Variants in MYO1D observed in about 807,000 individuals in gnomAD.
MYO1D encodes the protein unconventional myosin-Id.
MYO1D carries 83 observed loss-of-function variants against 122.0 expected under a neutral mutation model. The observed-to-expected ratio is 0.68, with a 90% CI of 0.57 to 0.82. The LOEUF is 0.82. Ranked by LOEUF, MYO1D falls within the 40% of genes least tolerant of loss-of-function variation. The pLI, the probability that MYO1D is intolerant of heterozygous loss-of-function variation, is 0.00. For missense variants in MYO1D, 1,157 were observed against 1,269.5 expected (o/e 0.91, Z 1.35); for synonymous variants, 464 against 446.9 (o/e 1.04, Z -0.48).
intron 6 of MYO1D, 55 bp from the exon 7 acceptor site, chr17:32,767,807 T>C (rs925983138): frequency 1.5e-6 from 2 of 1,310,626 alleles, no homozygotes; most frequent in African/African-American, 2.9e-5. Context: ...AGCATTAAAA[T>C]TCAACAATTA....
At position 32,501,686 on chromosome 17, in the gene MYO1D, C is replaced by T. The variant is rs140297672; in HGVS notation, c.2865-6771G>A. On this transcript the variant is annotated intron_variant, in intron 21 of 21. Coordinates refer to ENST00000318217, the MANE Select transcript of MYO1D (RefSeq NM_015194.3). ...ACGTACCGGGAGGCATCCCAGTCCG[C>T]GAGGACAGACGAGCCTCTGCTTCTT... 7.5e-4 allele frequency among the ~76,000 whole-genome samples: 115 copies of T among 152,324 alleles called. 1 individual carries two copies. Among genetic ancestry groups the T allele is most frequent in the African/African-American group, 2.6e-3 (110 of 41,566 alleles).
intron 15 of MYO1D, among the ~76,000 whole-genome samples, chr17:32,714,777 T>C (rs574058454): frequency 6.6e-6 from 1 of 152,262 alleles, no homozygotes; most frequent in South Asian, 2.1e-4. Flanking sequence ...GACTTCATGA[T>C]GAAATCACCA....
At chr17:32,588,945 AAAAC>A (rs71144844) in intron 21 of MYO1D, among the ~76,000 whole-genome samples, 1,741 of 147,616 alleles carry the variant, frequency 0.012, 37 homozygotes, top group African/African-American at 0.039. Context: ...TTTGCCTCAA[AAAAC>A]AAACAAACAA....
chr17:32,770,820 C>T (rs1008251010), intron 6 of MYO1D, among the ~76,000 whole-genome samples: 1 of 151,960 alleles, frequency 6.6e-6, no homozygotes, highest in Admixed American at 6.6e-5. Context: ...CTAGTCCTAT[C>T]AATATTTTTA....
At chr17:32,750,232 T>C (rs923491622) in intron 11 of MYO1D, among the ~76,000 whole-genome samples, 1 of 152,222 alleles carries the variant, frequency 6.6e-6, no homozygotes, top group African/African-American at 2.4e-5. Flanking sequence ...CTTGTTACAG[T>C]AGCATCTAGA....
intron 1 of MYO1D, among the ~76,000 whole-genome samples, chr17:32,858,702 T>C (rs1288144146): frequency 6.6e-6 from 1 of 152,246 alleles, no homozygotes; most frequent in Non-Finnish European, 1.5e-5. Flanking sequence ...TTCTCCACTG[T>C]AACAATAATC....
intron 21 of MYO1D, among the ~76,000 whole-genome samples, chr17:32,566,021 G>C (rs1372029262): frequency 6.6e-6 from 1 of 152,054 alleles, no homozygotes; most frequent in Non-Finnish European, 1.5e-5. Context: ...CACCGCACCC[G>C]GCCTTCAGAG....
intron 1 of MYO1D, among the ~76,000 whole-genome samples, chr17:32,867,798 C>CAAAAAAAAAAA (rs5820001): frequency 3.7e-5 from 2 of 53,930 alleles, no homozygotes; most frequent in Non-Finnish European, 6.4e-5. Context: ...GACTCCGTCT[C>CAAAAAAAAAAA]AAAAAAAAAA....
chr17:32,767,750 A>C lies in MYO1D; in HGVS notation c.717T>G (p.Ser239=). ...NYIHVGAQLK[S]SINDAAEFRV... ...TGAATTCGGCAGCATCATTGATAGA[A>C]GACTGGGGATGAAAATGAAAAACTG... Residue 239 remains serine (S), a splice_region_variant and synonymous_variant, in exon 7 of 22, where the codon TCT becomes TCG. Transcript: ENST00000318217. 1 of 1,605,990 alleles carries C rather than the reference A, an allele frequency of 6.2e-7. No individual in the cohort carries two copies. The highest frequency in any genetic ancestry group is 8.5e-7 in the Non-Finnish European group (1 of 1,173,324).
Position 32,662,566 on chromosome 17 carries a change from G to A in MYO1D, c.2122-3228C>T, listed in dbSNP as rs1431730039. Among the ~76,000 whole-genome samples, 3 of 152,064 alleles carry A rather than the reference G, an allele frequency of 2.0e-5. No individual in the cohort carries two copies. The South Asian group carries it at 6.2e-4, about 32-fold the overall frequency. On this transcript the variant is annotated intron_variant, in intron 16 of 21. Coordinates refer to ENST00000318217, the MANE Select transcript of MYO1D (RefSeq NM_015194.3). Reference sequence around the variant, plus strand: ...TGCGCGTCTGTAATTCCAGCTACTCGTGAGGCTGAGGCAGGAGAATCGCCT... The same window carrying A: ...TGCGCGTCTGTAATTCCAGCTACTCATGAGGCTGAGGCAGGAGAATCGCCT...
intron 20 of MYO1D, among the ~76,000 whole-genome samples, chr17:32,607,801 AG>A (rs1253817251): frequency 1.3e-5 from 2 of 152,158 alleles, no homozygotes; most frequent in Non-Finnish European, 2.9e-5. Flanking sequence ...TAATTTAGAA[AG>A]GAAAAAAAAA....
intron 21 of MYO1D, among the ~76,000 whole-genome samples, chr17:32,546,065 C>A (rs533523606): frequency 6.6e-6 from 1 of 152,208 alleles, no homozygotes; most frequent in East Asian, 1.9e-4. Context: ...CCTTGCCAGA[C>A]CACGTGGCTG....
chr17:32,762,959 G>A (rs1428711216), intron 8 of MYO1D, among the ~76,000 whole-genome samples: 1 of 151,788 alleles, frequency 6.6e-6, no homozygotes. Context: ...GGCCGAGGAG[G>A]GTGGATCACA....
chr17:32,783,113 T>A (rs1457643040), intron 1 of MYO1D, among the ~76,000 whole-genome samples: 1 of 148,440 alleles, frequency 6.7e-6, no homozygotes, highest in Non-Finnish European at 1.5e-5. Context: ...AGGAAAAGAA[T>A]CAAAAGGGCA....
intron 1 of MYO1D, among the ~76,000 whole-genome samples, chr17:32,791,363 C>CAAAAAAAA (rs60741553): frequency 2.0e-5 from 1 of 49,490 alleles, no homozygotes; most frequent in Non-Finnish European, 4.7e-5. Flanking sequence ...GACTCCGTCT[C>CAAAAAAAA]AAAAAAAAAA....
At chr17:32,556,086 C>T (rs755288918) in intron 21 of MYO1D, among the ~76,000 whole-genome samples, 6 of 152,200 alleles carry the variant, frequency 3.9e-5, no homozygotes, top group Non-Finnish European at 7.3e-5. Context: ...AGGTTGAGAA[C>T]AGGGAGTGTG....
At chr17:32,835,584 C>A (rs976422591) in intron 1 of MYO1D, among the ~76,000 whole-genome samples, 1 of 152,172 alleles carries the variant, frequency 6.6e-6, no homozygotes, top group African/African-American at 2.4e-5. Flanking sequence ...CCTACTGTTA[C>A]TGGTTCTGCT....
intron 1 of MYO1D, among the ~76,000 whole-genome samples, chr17:32,815,317 T>C (rs979801312): frequency 7.2e-5 from 11 of 152,326 alleles, no homozygotes; most frequent in Admixed American, 5.9e-4. Context: ...AAAAAGATTT[T>C]CCAGCTCTTG....
At chr17:32,850,998 AAAC>A (rs571417841) in intron 1 of MYO1D, among the ~76,000 whole-genome samples, 35 of 152,088 alleles carry the variant, frequency 2.3e-4, no homozygotes, top group African/African-American at 5.8e-4. Flanking sequence ...GTACTATGAA[AAAC>A]AACAACAACA....
Sources: allele counts gnomAD v4.1 joint callset (sites outside exome capture counted in the v4.1 genomes callset), GRCh38; gene constraint gnomAD v4.1.1; transcripts MANE v1.5; gene names NCBI Gene and HGNC (gene_info 2026-07-23, HGNC 2026-07-21).